S100A8: variants seen among roughly 807,000 people sequenced by gnomAD.
S100A8 encodes the protein protein S100-A8.
In S100A8, 1 loss-of-function variant was observed where a neutral mutation model predicts 4.2. The ratio of observed to expected loss-of-function variants is 0.24; its 90% CI spans 0.08 to 1.12. The LOEUF (loss-of-function observed/expected upper bound fraction) is 1.12, where lower values mean the gene tolerates loss of function less well. Among genes scored for constraint, S100A8 ranks in the 50% most tolerant of loss-of-function variants. The pLI is 0.53. For missense variants in S100A8, 96 were observed against 111.8 expected, an observed-to-expected ratio of 0.86 and a Z score of 0.64; for synonymous variants, 41 against 44.7, an observed-to-expected ratio of 0.92 and a Z score of 0.33.
the S100A8 span, among the ~76,000 whole-genome samples, chr1:153,397,309 T>C: frequency 6.6e-6 from 1 of 152,090 alleles, no homozygotes; most frequent in South Asian, 2.1e-4. Context: ...TGCATTTGCC[T>C]GCATCAGGAG....
the S100A8 span, among the ~76,000 whole-genome samples, chr1:153,411,191 T>A: frequency 1.3e-5 from 2 of 152,164 alleles, no homozygotes; most frequent in Non-Finnish European, 2.9e-5. Context: ...AGTCAAATTG[T>A]CCCTGTTTGC....
At chr1:153,399,446 G>A in the S100A8 span, among the ~76,000 whole-genome samples, 1 of 152,192 alleles carries the variant, frequency 6.6e-6, no homozygotes, top group East Asian at 1.9e-4. Flanking sequence ...CTCAGCTCCA[G>A]GGCTTGGGTG....
the S100A8 span, chr1:153,422,437 A>C: frequency 9.3e-6 from 8 of 861,424 alleles, no homozygotes; most frequent in Non-Finnish European, 1.1e-5. Context: ...AATTTACTTG[A>C]TTTGGAATAA....
chr1:153,402,355 C>G, the S100A8 span, among the ~76,000 whole-genome samples: 3 of 152,188 alleles, frequency 2.0e-5, no homozygotes, highest in Non-Finnish European at 4.4e-5. Flanking sequence ...GCCCCACATA[C>G]CTGTTCTCAA....
the S100A8 span, among the ~76,000 whole-genome samples, chr1:153,411,532 T>C: frequency 1.3e-5 from 2 of 152,166 alleles, no homozygotes; most frequent in African/African-American, 2.4e-5. Flanking sequence ...GAAGAATCAA[T>C]ATTGTGAAAA....
At chr1:153,395,001 G>A (rs1160411899), upstream of S100A8, among the ~76,000 whole-genome samples, 1 of 152,116 alleles carries the variant, frequency 6.6e-6, no homozygotes, top group Non-Finnish European at 1.5e-5. Flanking sequence ...GAAGGCAGAG[G>A]AGACCCTCCC....
the S100A8 span, among the ~76,000 whole-genome samples, chr1:153,405,711 C>T: frequency 6.6e-6 from 1 of 152,194 alleles, no homozygotes; most frequent in Non-Finnish European, 1.5e-5. Flanking sequence ...TAAGCTTGTC[C>T]CCCACCTCCT....
the S100A8 span, among the ~76,000 whole-genome samples, chr1:153,408,771 A>AG: frequency 2.0e-5 from 3 of 152,222 alleles, no homozygotes. Flanking sequence ...ACACTAACAG[A>AG]GGATCTCTTG....
At chr1:153,409,304 CA>C in the S100A8 span, among the ~76,000 whole-genome samples, 8 of 151,220 alleles carry the variant, frequency 5.3e-5, no homozygotes, top group African/African-American at 1.7e-4. Context: ...AAAAGGAAAG[CA>C]AAAAAAAGCA....
chr1:153,403,443 TG>T, the S100A8 span, among the ~76,000 whole-genome samples: 2 of 152,202 alleles, frequency 1.3e-5, no homozygotes, highest in African/African-American at 4.8e-5. Flanking sequence ...GCTTCACCTA[TG>T]TAAAGATATC....
chr1:153,418,159 A>C, the S100A8 span: 1 of 1,614,094 alleles, frequency 6.2e-7, no homozygotes, highest in Non-Finnish European at 8.5e-7. Flanking sequence ...CGTGATGGCA[A>C]GATTGAGAAG....
At chr1:153,419,724 G>GCTCCTGCCCTCCCA in the S100A8 span, 1 of 164,254 alleles carries the variant, frequency 6.1e-6, no homozygotes, top group African/African-American at 2.4e-5. Context: ...CTCTCAGTGT[G>GCTCCTGCCCTCCCA]CTCCTGCCCT....
chr1:153,406,421 G>T, the S100A8 span, among the ~76,000 whole-genome samples: 1 of 152,010 alleles, frequency 6.6e-6, no homozygotes, highest in Admixed American at 6.6e-5. Flanking sequence ...TCCGGGCTCT[G>T]TCCCACTCTA....
At position 153,390,417 on chromosome 1, in the gene S100A8, G is replaced by A. The variant is rs759829878; in HGVS notation, c.119C>T (p.Thr40Ile). The change falls in exon 2 of 3, where the codon ACC becomes ATC. Residue 40 changes from threonine (T) to isoleucine (I), a missense_variant. Coordinates refer to ENST00000368733, the MANE Select transcript of S100A8 (RefSeq NM_002964.5). ...YRDDLKKLLE[T>I]ECPQYIRKKG... ...CACCCTGATATACTGAGGACACTCGGTCTCTAGCAATTTCTTCAGGTCATC... is the reference window on the plus strand; with the variant it reads ...CACCCTGATATACTGAGGACACTCGATCTCTAGCAATTTCTTCAGGTCATC... 2 of 1,614,106 alleles carry A rather than the reference G, an allele frequency of 1.2e-6. No homozygotes were observed. The highest frequency in any genetic ancestry group is 1.7e-5 in the Admixed American group (1 of 60,002).
At chr1:153,408,722 A>G in the S100A8 span, among the ~76,000 whole-genome samples, 3 of 152,262 alleles carry the variant, frequency 2.0e-5, no homozygotes, top group Non-Finnish European at 4.4e-5. Flanking sequence ...AAGGGCAGCC[A>G]GAGAGAAAGC....
At chr1:153,396,320 G>A in the S100A8 span, among the ~76,000 whole-genome samples, 5 of 152,266 alleles carry the variant, frequency 3.3e-5, no homozygotes, top group Admixed American at 6.5e-5. Flanking sequence ...GATCTAAAAT[G>A]GATCTTTCCC....
Position 153,390,037 on chromosome 1 carries a change from T to G in S100A8, c.*66A>C. On this transcript the variant is annotated 3_prime_UTR_variant, in exon 3 of 3. Transcript: ENST00000368733. ...AAAAGCATAAGAGAGAGGCATGAGG[T>G]ATTGATGACTTTATTATTCTGCAGG... The G allele has an allele frequency of 7.3e-7, 1 of 1,372,194 alleles. No individual in the cohort carries two copies. The highest frequency in any genetic ancestry group is 1.0e-6 in the Non-Finnish European group (1 of 990,078). 85.0% of individuals were successfully genotyped at this position (1,372,194 alleles called of 1,614,324 possible).
At chr1:153,404,930 G>A in the S100A8 span, among the ~76,000 whole-genome samples, 1 of 151,888 alleles carries the variant, frequency 6.6e-6, no homozygotes, top group East Asian at 1.9e-4. Context: ...TGGCGCCACC[G>A]TGTGGAAGCT....
chr1:153,403,671 C>T, the S100A8 span, among the ~76,000 whole-genome samples: 3 of 152,090 alleles, frequency 2.0e-5, no homozygotes, highest in Admixed American at 6.5e-5. Context: ...TAAAACATCT[C>T]CCCAGTTCTT....
Sources: allele counts gnomAD v4.1 joint callset (sites outside exome capture counted in the v4.1 genomes callset), GRCh38; gene constraint gnomAD v4.1.1; transcripts MANE v1.5; gene names NCBI Gene and HGNC (gene_info 2026-07-23, HGNC 2026-07-21).